The following ALG12 variants were observed in gnomAD, a reference collection of about 807,000 sequenced individuals.
ALG12 encodes ALG12 alpha-1,6-mannosyltransferase.
A neutral mutation model predicts 46.0 loss-of-function variants in ALG12; 36 were observed. The ratio of observed to expected loss-of-function variants is 0.78; its 90% confidence interval spans 0.60 to 1.03. The LOEUF (loss-of-function observed/expected upper bound fraction) is 1.03, where lower values mean the gene tolerates loss of function less well. Among genes scored for constraint, ALG12 ranks in the 50% least tolerant of loss-of-function variants. The probability of loss-of-function intolerance (pLI) is 0.00; values close to 1 mark genes in which losing one functional copy is unlikely to be tolerated. For synonymous variants in ALG12, 326 were observed against 291.6 expected, an observed-to-expected ratio of 1.12 and a Z score of -1.20; for missense variants, 599 against 633.5, an observed-to-expected ratio of 0.95 and a Z score of 0.58.
At chr22:49,884,752 C>A in the ALG12 span, 1 of 1,593,800 alleles carries the variant, frequency 6.3e-7, no homozygotes, top group South Asian at 1.1e-5. Context: ...TTCCTTGCTG[C>A]CGCCGGAGGG....
intron 3 of ALG12, 53 bp downstream of exon 3, chr22:49,913,332 C>G: frequency 6.2e-7 from 1 of 1,610,702 alleles, no homozygotes; most frequent in East Asian, 2.2e-5. Flanking sequence ...CTGAGGTCAC[C>G]CGATGACACC....
the ALG12 span, among the ~76,000 whole-genome samples, chr22:49,865,924 C>G: frequency 6.7e-6 from 1 of 149,876 alleles, no homozygotes; most frequent in African/African-American, 2.5e-5. Flanking sequence ...ATTGCCCAGG[C>G]TGGTCTCAAA....
the ALG12 span, chr22:49,885,437 C>T: frequency 4.3e-5 from 70 of 1,609,780 alleles, no homozygotes; most frequent in Non-Finnish European, 5.7e-5. Flanking sequence ...GGGAAGAAGC[C>T]GACTAACTTG....
the ALG12 span, among the ~76,000 whole-genome samples, chr22:49,867,435 C>G: frequency 7.7e-4 from 117 of 152,342 alleles, 1 homozygote; most frequent in African/African-American, 2.7e-3. Flanking sequence ...CGGTATTGCT[C>G]AAGTCTTCTC....
Position 49,907,758 on chromosome 22 carries a change from T to C in ALG12, c.955A>G (p.Met319Val), listed in dbSNP as rs868552780. 3.7e-6 allele frequency: 6 copies of C among 1,613,952 alleles called. No homozygotes were observed. Among genetic ancestry groups the C allele is most frequent in the African/African-American group, 2.7e-5 (2 of 74,898 alleles). ...ELRFIIYAFPMLNITAARGCS... is the reference protein window; with the variant it reads ...ELRFIIYAFPVLNITAARGCS... ...CCTCTGGCAGCCGTGATGTTGAGCA[T>C]GGGGAAGGCATAGATGATGAAGCGT... The change falls in exon 7 of 10, where the codon ATG becomes GTG. Residue 319 changes from methionine to valine, a missense_variant. Coordinates refer to ENST00000330817, the MANE Select transcript of ALG12 (RefSeq NM_024105.4).
rs1011923600 is a variant in ALG12, at chr22:49,907,812, G to A, written c.901C>T (p.Leu301Phe). 13 of 1,614,034 alleles carry A rather than the reference G, an allele frequency of 8.1e-6. No individual in the cohort carries two copies. Among genetic ancestry groups the A allele is most frequent in the African/African-American group, 1.3e-5 (1 of 74,922 alleles). ...TCCTTGTGTGGCAGGAGGGAGTAGAGTGCCATGAAGCCCAGTGCCAGCACC... is the reference window on the plus strand; with the variant it reads ...TCCTTGTGTGGCAGGAGGGAGTAGAATGCCATGAAGCCCAGTGCCAGCACC... ...PTVLALGFMALYSLLPHKELR... is the reference protein window; with the variant it reads ...PTVLALGFMAFYSLLPHKELR... The change falls in exon 7 of 10, where the codon CTC becomes TTC. Residue 301 changes from leucine to phenylalanine, a missense_variant. By Grantham distance (22) the Leu-to-Phe change is conservative. Transcript: ENST00000330817.
At chr22:49,898,214 C>T (rs2060491346), downstream of ALG12, among the ~76,000 whole-genome samples, 2 of 151,104 alleles carry the variant, frequency 1.3e-5, no homozygotes, top group South Asian at 4.2e-4. Flanking sequence ...ACTATATCAC[C>T]CAGGCTAATT....
the ALG12 span, chr22:49,884,293 A>C: frequency 6.2e-7 from 1 of 1,613,082 alleles, no homozygotes; most frequent in South Asian, 1.1e-5. Flanking sequence ...ACTTGTCCAG[A>C]AAGTGGCGTC....
At chr22:49,911,438 T>C (rs1054511202) in intron 3 of ALG12, among the ~76,000 whole-genome samples, 2 of 148,738 alleles carry the variant, frequency 1.3e-5, no homozygotes, top group Non-Finnish European at 3.0e-5. Context: ...AAATGTCTTT[T>C]TTTTTTTCTT....
the ALG12 span, chr22:49,884,937 G>T: frequency 6.2e-7 from 1 of 1,608,258 alleles, no homozygotes; most frequent in Non-Finnish European, 8.5e-7. Flanking sequence ...AGGCCTCGGC[G>T]TCCTCTCCTG....
rs140846613 is a variant in ALG12, at chr22:49,913,886, T to A, written c.-78-43A>T. 5.2e-6 allele frequency: 7 copies of A among 1,350,756 alleles called. 2 individuals are homozygous for A. Among genetic ancestry groups the A allele is most frequent in the South Asian group, 4.7e-5 (4 of 84,336 alleles). 83.7% of individuals were successfully genotyped at this position (1,350,756 alleles called of 1,614,324 possible). A position where few individuals can be genotyped will look rare whatever the true frequency, so the allele number is the denominator to read the frequency against. ...GATTCCTGAGGTTCGAAAGTCACGC[T>A]TGCGCTCACGTTTGGGAGATCCGGG... On this transcript the variant is annotated intron_variant, in intron 1 of 9. Transcript: ENST00000330817.
the ALG12 span, chr22:49,889,891 G>A: frequency 6.0e-6 from 1 of 167,076 alleles, no homozygotes; most frequent in Non-Finnish European, 1.5e-5. Flanking sequence ...GCCTGGAAAT[G>A]ATGTTTTAGG....
the ALG12 span, chr22:49,883,609 C>A: frequency 6.8e-7 from 1 of 1,472,890 alleles, no homozygotes; most frequent in Non-Finnish European, 9.0e-7. Context: ...CAAATGAGCA[C>A]TTGGATCAGT....
chr22:49,882,320 G>A, the ALG12 span, among the ~76,000 whole-genome samples: 1 of 152,220 alleles, frequency 6.6e-6, no homozygotes, highest in Non-Finnish European at 1.5e-5. Flanking sequence ...GGGAGGCTGA[G>A]TCGGGAGGAG....
the ALG12 span, among the ~76,000 whole-genome samples, chr22:49,894,963 G>A: frequency 0.058 from 8,845 of 152,240 alleles, 686 homozygotes; most frequent in African/African-American, 0.18. Context: ...AGGGAGGGGA[G>A]AGTTGGAGGG....
rs111244256 is a variant in ALG12, at chr22:49,917,705, C to CTTTT, written c.-79+554_-79+557dup. ...AAGAAACTGGTCAAATCAGATGTTA[C>CTTTT]TTTTTTTTTTTTTAAATGTGCAGTG... On this transcript the variant is annotated intron_variant, in intron 1 of 9. Coordinates refer to ENST00000330817, the MANE Select transcript of ALG12 (RefSeq NM_024105.4). Among the ~76,000 whole-genome samples, 104 of 143,352 alleles carry CTTTT rather than the reference C, an allele frequency of 7.3e-4. 2 individuals are homozygous for CTTTT. Among genetic ancestry groups the CTTTT allele is most frequent in the African/African-American group, 2.4e-3 (93 of 38,250 alleles). 94.0% of individuals were successfully genotyped at this position (143,352 alleles called of 152,430 possible). A position where few individuals can be genotyped will look rare whatever the true frequency, so the allele number is the denominator to read the frequency against.
intron 1 of ALG12, chr22:49,918,058 C>G (rs1308457403): frequency 2.5e-4 from 23 of 93,152 alleles, no homozygotes; most frequent in African/African-American, 5.9e-4. Flanking sequence ...CCCCAGGTGA[C>G]AGGTCCAGCC....
chr22:49,889,348 G>A, the ALG12 span: 16 of 167,088 alleles, frequency 9.6e-5, no homozygotes, highest in African/African-American at 3.9e-4. Flanking sequence ...CTGAATAGTT[G>A]TGACAGAGAC....
rs1010347575 is a variant in ALG12, at chr22:49,910,513, G to C, written c.390C>G (p.Phe130Leu). The change falls in exon 4 of 10, where the codon TTC (phenylalanine) becomes TTG (leucine). Residue 130 changes from phenylalanine (F) to leucine (L), a missense_variant. Transcript: ENST00000330817. ...GGAACTGCATGGCCGTCACCCAGCA[G>C]AACATGGTGGCCACCATGGCCCCGA... ...RHFGAMVATM[F>L]CWVTAMQFHL... 3 of 1,614,096 alleles carry C rather than the reference G, an allele frequency of 1.9e-6. No homozygotes were observed. Among genetic ancestry groups the C allele is most frequent in the Non-Finnish European group, 1.7e-6 (2 of 1,180,034 alleles).
Sources: allele counts gnomAD v4.1 joint callset (sites outside exome capture counted in the v4.1 genomes callset), GRCh38; gene constraint gnomAD v4.1.1; transcripts MANE v1.5; gene names NCBI Gene and HGNC (gene_info 2026-07-23, HGNC 2026-07-21).